The following FARSB variants were observed in gnomAD, a reference collection of about 807,000 sequenced individuals.
The protein encoded by FARSB is phenylalanine--tRNA ligase beta subunit.
In FARSB, 40 loss-of-function variants were observed where a neutral mutation model predicts 69.6. The observed-to-expected ratio is 0.57, with a 90% CI of 0.45 to 0.75. The LOEUF is 0.75. Among genes scored for constraint, FARSB ranks in the 30% least tolerant of loss-of-function variants. The pLI, the probability that FARSB is intolerant of heterozygous loss-of-function variation, is 0.00. For synonymous variants in FARSB, 235 were observed against 247.2 expected (o/e 0.95, Z 0.46); for missense variants, 632 against 722.9 (o/e 0.87, Z 1.44).
At chr2:222,585,754 G>T (rs2395893) in intron 16 of FARSB, among the ~76,000 whole-genome samples, 131,953 of 152,168 alleles carry the variant, frequency 0.87, 57,391 homozygotes, top group East Asian at 0.97. Flanking sequence ...TTGGATCAAG[G>T]GGAAGAAAGG....
At chr2:222,619,155 A>T (rs1424691071) in intron 14 of FARSB, among the ~76,000 whole-genome samples, 2 of 150,072 alleles carry the variant, frequency 1.3e-5, no homozygotes, top group Non-Finnish European at 3.0e-5. Flanking sequence ...AAAAAAAAAA[A>T]TTTAGCCAAG....
chr2:222,649,489 G>C (rs1691969477), intron 1 of FARSB, among the ~76,000 whole-genome samples: 1 of 152,200 alleles, frequency 6.6e-6, no homozygotes, highest in Non-Finnish European at 1.5e-5. Context: ...AATGGTCTGA[G>C]GTGGCCTGAC....
rs1034442852 is a variant in FARSB, at chr2:222,571,013, C to T, written c.*858G>A. The T allele has an allele frequency of 1.3e-5, 2 of 152,108 alleles. No homozygotes were observed. The highest frequency in any genetic ancestry group is 4.8e-5 in the African/African-American group (2 of 41,416). 9.4% of individuals were successfully genotyped at this position (152,108 alleles called of 1,614,324 possible). ...ATAAAACAAGGAGGATTGGCTGAAG[C>T]TTAGCTTCAGAAAAAGAGAGGTCTA... is the stretch of plus-strand genomic sequence containing the variant. On this transcript the variant is annotated 3_prime_UTR_variant, in exon 17 of 17. Transcript: ENST00000281828.
chr2:222,634,337 G>A, intron 6 of FARSB, 54 bp downstream of exon 6: 1 of 1,310,418 alleles, frequency 7.6e-7, no homozygotes, highest in South Asian at 1.6e-5. Context: ...GCTTGACTTT[G>A]ATGGAATTTC....
intron 16 of FARSB, among the ~76,000 whole-genome samples, chr2:222,599,596 T>C (rs1280185125): frequency 6.6e-6 from 1 of 152,210 alleles, no homozygotes; most frequent in African/African-American, 2.4e-5. Context: ...CTTACCAGCT[T>C]CCAGTTAAAA....
At chr2:222,649,399 T>C (rs1390116561) in intron 1 of FARSB, among the ~76,000 whole-genome samples, 2 of 152,228 alleles carry the variant, frequency 1.3e-5, no homozygotes, top group African/African-American at 4.8e-5. Flanking sequence ...TGTTCACCTG[T>C]TAAGTAGAGA....
chr2:222,593,776 T>G (rs537287418), intron 16 of FARSB, among the ~76,000 whole-genome samples: 9 of 151,052 alleles, frequency 6.0e-5, no homozygotes, highest in African/African-American at 2.2e-4. Flanking sequence ...ATGGCTGAGG[T>G]GAGAGGATCA....
At position 222,569,571 on chromosome 2, in the gene FARSB, C is replaced by A. The variant is rs1253253278; in HGVS notation, c.*2300G>T. ...CAGCTTTACAAAGGTATAACCTACA[C>A]CTGAAGTACACCTACCACCTCAATT... On this transcript the variant is annotated 3_prime_UTR_variant, in exon 17 of 17. Transcript: ENST00000281828. The A allele has an allele frequency of 2.6e-5, 4 of 152,156 alleles. No homozygotes were observed. Among genetic ancestry groups the A allele is most frequent in the Non-Finnish European group, 5.9e-5 (4 of 68,030 alleles). The allele number at this position is 152,156 out of a possible 1,614,324, so 9.4% of individuals were successfully genotyped here.
rs765586488 is a variant in FARSB, at chr2:222,634,493, C to T, written c.504G>A (p.Ser168=). ...GCTTTGCAGTATAAGTAAATGGGCCCGACAAAGTGTCCAAATCATGGGTAC... is the reference window on the plus strand; with the variant it reads ...GCTTTGCAGTATAAGTAAATGGGCCTGACAAAGTGTCCAAATCATGGGTAC... ...AIGTHDLDTL[S]GPFTYTAKRP... The change falls in exon 6 of 17, where the codon TCG becomes TCA. Residue 168 remains serine, a synonymous_variant. Coordinates refer to ENST00000281828, the MANE Select transcript of FARSB (RefSeq NM_005687.5). The T allele has an allele frequency of 8.1e-6, 13 of 1,612,764 alleles. No homozygotes were observed. Among genetic ancestry groups the T allele is most frequent in the East Asian group, 2.2e-5 (1 of 44,860 alleles).
In FARSB at chr2:222,652,584, G is replaced by A. The variant is rs549359731; in HGVS notation, c.58+3432C>T. Among the ~76,000 whole-genome samples, 41 of 152,330 alleles carry A rather than the reference G, an allele frequency of 2.7e-4. No individual in the cohort carries two copies. In the South Asian group the frequency reaches 8.3e-3, roughly 31 times the overall value. On this transcript the variant is annotated intron_variant, in intron 1 of 16. Transcript: ENST00000281828. ...ATGTGCTAAGTAGTCCTATGGAGAG[G>A]ATAAGGTGGGAGGAACTAAAGCCTA...
chr2:222,574,657 A>G (rs1363360359), intron 16 of FARSB, among the ~76,000 whole-genome samples: 4 of 152,264 alleles, frequency 2.6e-5, no homozygotes, highest in Non-Finnish European at 1.5e-5. Context: ...AAGCCCAGTC[A>G]TAAGATTCCT....
chr2:222,621,131 C>A (rs1559206159), intron 13 of FARSB, among the ~76,000 whole-genome samples: 1 of 152,158 alleles, frequency 6.6e-6, no homozygotes, highest in Non-Finnish European at 1.5e-5. Flanking sequence ...TGAAACTAGT[C>A]CTCTCTGTGT....
At chr2:222,625,111 AAAGATT>A (rs1691236041) in intron 10 of FARSB, among the ~76,000 whole-genome samples, 2 of 152,346 alleles carry the variant, frequency 1.3e-5, no homozygotes, top group African/African-American at 4.8e-5. Flanking sequence ...AAATCCTGCT[AAAGATT>A]TTCAGTCTCG....
intron 4 of FARSB, among the ~76,000 whole-genome samples, chr2:222,640,062 T>A (rs561493678): frequency 7.9e-5 from 12 of 152,336 alleles, no homozygotes; most frequent in African/African-American, 2.9e-4. Flanking sequence ...GATATTATTA[T>A]CCAAAATTAT....
chr2:222,581,410 TA>T (rs1231366430), intron 16 of FARSB, among the ~76,000 whole-genome samples: 3 of 152,196 alleles, frequency 2.0e-5, no homozygotes, highest in Non-Finnish European at 2.9e-5. Flanking sequence ...GATGTTCTGT[TA>T]TGTTTCTGCA....
intron 10 of FARSB, among the ~76,000 whole-genome samples, chr2:222,624,980 C>G (rs886521661): frequency 1.1e-4 from 17 of 152,196 alleles, no homozygotes; most frequent in African/African-American, 3.9e-4. Context: ...ATTCTACTTG[C>G]TAGACAGTTT....
intron 2 of FARSB, among the ~76,000 whole-genome samples, chr2:222,647,462 T>C (rs1691898897): frequency 6.6e-6 from 1 of 152,232 alleles, no homozygotes; most frequent in African/African-American, 2.4e-5. Context: ...TGACTTGGCA[T>C]GTTGATGGCA....
At chr2:222,620,053 A>G (rs1319795210) in intron 13 of FARSB, among the ~76,000 whole-genome samples, 1 of 152,166 alleles carries the variant, frequency 6.6e-6, no homozygotes, top group African/African-American at 2.4e-5. Context: ...TGGAGATGGT[A>G]TAAACTGTAC....
chr2:222,655,236 G>T (rs1692141530), intron 1 of FARSB, among the ~76,000 whole-genome samples: 1 of 151,654 alleles, frequency 6.6e-6, no homozygotes, highest in East Asian at 1.9e-4. Flanking sequence ...AGCTGCTACG[G>T]CTGTGAGGTA....
Sources: allele counts gnomAD v4.1 joint callset (sites outside exome capture counted in the v4.1 genomes callset), GRCh38; gene constraint gnomAD v4.1.1; transcripts MANE v1.5; gene names NCBI Gene and HGNC (gene_info 2026-07-23, HGNC 2026-07-21).